ATRX: variants seen among roughly 807,000 people sequenced by gnomAD.
ATRX encodes the protein ATRX chromatin remodeler.
Under a neutral mutation model 172.6 loss-of-function variants are expected in ATRX, and 12 were observed. The ratio of observed to expected loss-of-function variants is 0.07; its 90% CI spans 0.04 to 0.11. The LOEUF (loss-of-function observed/expected upper bound fraction) is 0.11, where lower values mean the gene tolerates loss of function less well. ATRX is among the 10% of genes least tolerant of loss of function. The probability of loss-of-function intolerance (pLI) is 1.00; values close to 1 mark genes in which losing one functional copy is unlikely to be tolerated. For missense variants in ATRX, 1,368 were observed against 1,767.4 expected (o/e 0.77, Z 4.05); for synonymous variants, 674 against 594.7 (o/e 1.13, Z -1.94).
chrX:77,524,871 G>A (rs2063334156), intron 30 of ATRX, among the ~76,000 whole-genome samples: 1 of 108,178 alleles, frequency 9.2e-6, no homozygotes, highest in Non-Finnish European at 1.9e-5. Context: ...TCAGCCTCCC[G>A]AGTAGCTAGG....
chrX:77,650,165 G>C, intron 15 of ATRX, among the ~76,000 whole-genome samples: 1 of 111,849 alleles, frequency 8.9e-6, no homozygotes, highest in Non-Finnish European at 1.9e-5. Flanking sequence ...AAAGAACTGA[G>C]AATATCCAAA....
intron 1 of ATRX, among the ~76,000 whole-genome samples, chrX:77,744,043 C>T (rs782542589): frequency 6.2e-5 from 7 of 112,561 alleles, no homozygotes; most frequent in East Asian, 2.8e-4. Flanking sequence ...AGGCTGGGCA[C>T]GGTGGTTCAT....
intron 6 of ATRX, among the ~76,000 whole-genome samples, chrX:77,692,890 T>TGTGC (rs1252470138): frequency 1.9e-5 from 2 of 106,228 alleles, no homozygotes; most frequent in Non-Finnish European, 3.9e-5. Context: ...TGTGTGTGTG[T>TGTGC]GTTTTAATTT....
At chrX:77,761,786 C>T (rs2075725360) in intron 1 of ATRX, among the ~76,000 whole-genome samples, 1 of 111,154 alleles carries the variant, frequency 9.0e-6, no homozygotes, top group African/African-American at 3.3e-5. Context: ...ACTTGGTAAC[C>T]TTTAACCAAT....
chrX:77,740,083 A>T (rs782307093), intron 1 of ATRX, among the ~76,000 whole-genome samples: 2,624 of 93,692 alleles, frequency 0.028, 81 homozygotes, highest in African/African-American at 0.082. Flanking sequence ...AAAAATTTTT[A>T]AAAAAAGAAA....
intron 21 of ATRX, among the ~76,000 whole-genome samples, chrX:77,617,214 A>G (rs1343462696): frequency 8.9e-6 from 1 of 112,104 alleles, no homozygotes; most frequent in South Asian, 3.7e-4. Context: ...TATTTGCCCA[A>G]TTAAGAAAGC....
intron 1 of ATRX, among the ~76,000 whole-genome samples, chrX:77,741,996 G>A (rs1483832656): frequency 9.0e-6 from 1 of 111,172 alleles, no homozygotes; most frequent in Non-Finnish European, 1.9e-5. Flanking sequence ...CAACTTAATT[G>A]TTCCATGTAC....
chrX:77,731,440 G>C (rs944668156), intron 1 of ATRX, among the ~76,000 whole-genome samples: 1 of 111,999 alleles, frequency 8.9e-6, no homozygotes, highest in Non-Finnish European at 1.9e-5. Context: ...GCAGGAGGCA[G>C]AGAAATTCTA....
chrX:77,681,274 A>C (rs1232357236), intron 9 of ATRX, among the ~76,000 whole-genome samples: 1 of 111,877 alleles, frequency 8.9e-6, no homozygotes, highest in East Asian at 2.8e-4. Context: ...TTGATAAAGA[A>C]ATTTTGTCAT....
intron 10 of ATRX, among the ~76,000 whole-genome samples, chrX:77,665,875 A>G (rs1475741479): frequency 1.8e-5 from 2 of 111,827 alleles, no homozygotes; most frequent in African/African-American, 6.5e-5. Flanking sequence ...CTAAGTCAAA[A>G]ACTTGTAGCT....
chrX:77,507,306 T>G lies in ATRX; in HGVS notation c.*1045A>C, dbSNP rs1411304121. On this transcript the variant is annotated 3_prime_UTR_variant, in exon 35 of 35. Transcript: ENST00000373344. ...GATTCTTATCTTTCAGAGGAATTAT[T>G]TCACAATACTGATAGTACTGGGAAT... is the stretch of plus-strand genomic sequence containing the variant. The G allele has an allele frequency of 5.8e-6, 1 of 172,323 alleles. No individual in the cohort carries two copies. The highest frequency in any genetic ancestry group is 1.1e-5 in the Non-Finnish European group (1 of 90,180). The allele number at this position is 172,323 out of a possible 1,213,427, so 14.2% of individuals were successfully genotyped here.
rs782378147 is a variant in ATRX, at chrX:77,745,593, C to T, written c.21-28350G>A. Among the ~76,000 whole-genome samples the T allele has an allele frequency of 7.2e-5, 8 of 111,236 alleles. No individual in the cohort carries two copies. In the South Asian group the frequency reaches 1.9e-3, roughly 26 times the overall value. On this transcript the variant is annotated intron_variant, in intron 1 of 34. Coordinates refer to ENST00000373344, the MANE Select transcript of ATRX (RefSeq NM_000489.6). ...GAATGATGGTTACCAGAGGCTAGGACGGGTAGTGGGGGCCAGGGCACTAAT... is the reference window on the plus strand; with the variant it reads ...GAATGATGGTTACCAGAGGCTAGGATGGGTAGTGGGGGCCAGGGCACTAAT...
At chrX:77,776,482 CTA>C (rs1213443449) in intron 1 of ATRX, among the ~76,000 whole-genome samples, 4 of 111,899 alleles carry the variant, frequency 3.6e-5, no homozygotes, top group African/African-American at 1.3e-4. Flanking sequence ...AACCACCAAA[CTA>C]TGTAAAATTG....
chrX:77,514,320 A>G (rs1352142387), intron 34 of ATRX, among the ~76,000 whole-genome samples: 2 of 112,398 alleles, frequency 1.8e-5, no homozygotes, highest in Non-Finnish European at 3.7e-5. Context: ...AAGCAAAATG[A>G]ACAAAGCTGG....
chrX:77,721,711 A>G (rs2073779348), intron 1 of ATRX, among the ~76,000 whole-genome samples: 1 of 112,145 alleles, frequency 8.9e-6, no homozygotes, highest in African/African-American at 3.2e-5. Flanking sequence ...GCTCATGGAT[A>G]GGAAGAATCA....
intron 17 of ATRX, 50 bp downstream of exon 17, chrX:77,634,544 T>C: frequency 2.0e-6 from 2 of 1,007,473 alleles, no homozygotes; most frequent in South Asian, 1.9e-5. Context: ...ATCCAATATA[T>C]ATTAATGAAT....
rs781860181 is a variant in ATRX at position 77,740,053 on chromosome X, CAAAAAAAAAAAA to C, written c.21-22822_21-22811del. Among the ~76,000 whole-genome samples the C allele has an allele frequency of 1.6e-3, 76 of 47,056 alleles. 1 individual carries two copies. Among genetic ancestry groups the C allele is most frequent in the African/African-American group, 6.2e-3 (69 of 11,110 alleles). The allele number at this position is 47,056 out of a possible 115,157, so 40.9% of individuals were successfully genotyped here. A position where few individuals can be genotyped will look rare whatever the true frequency, so the allele number is the denominator to read the frequency against. ...GGGGAAGAAGCGCAAAACTCCATCC[CAAAAAAAAAAAA>C]AAAAAAAAAAAATTTTTAAAAAAAG... On this transcript the variant is annotated intron_variant, in intron 1 of 34. Coordinates refer to ENST00000373344, the MANE Select transcript of ATRX (RefSeq NM_000489.6).
intron 2 of ATRX, among the ~76,000 whole-genome samples, chrX:77,716,323 A>AATATATATAT (rs1292367303): frequency 2.1e-3 from 44 of 21,027 alleles, no homozygotes; most frequent in Non-Finnish European, 3.1e-3. Flanking sequence ...AAAAAAAAAA[A>AATATATATAT]ATATATATAT....
chrX:77,529,756 G>A (rs1328662809), intron 30 of ATRX, among the ~76,000 whole-genome samples: 1 of 111,885 alleles, frequency 8.9e-6, no homozygotes, highest in Non-Finnish European at 1.9e-5. Context: ...AAACAAGTCT[G>A]CAAAATAACC....
Sources: allele counts gnomAD v4.1 joint callset (sites outside exome capture counted in the v4.1 genomes callset), GRCh38; gene constraint gnomAD v4.1.1; transcripts MANE v1.5; gene names NCBI Gene and HGNC (gene_info 2026-07-23, HGNC 2026-07-21).